Variants in ATCAY observed in about 807,000 individuals in gnomAD.
ATCAY encodes caytaxin.
Under a neutral mutation model 47.7 loss-of-function variants are expected in ATCAY, and 22 were observed. The ratio of observed to expected loss-of-function variants is 0.46; its 90% confidence interval spans 0.33 to 0.66. The LOEUF is 0.66. Ranked by LOEUF, ATCAY falls within the 30% of genes least tolerant of loss-of-function variation. The probability of loss-of-function intolerance (pLI) is 0.02; values close to 1 mark genes in which losing one functional copy is unlikely to be tolerated. For missense variants in ATCAY, 452 were observed against 515.0 expected (o/e 0.88, Z 1.18); for synonymous variants, 216 against 207.6 (o/e 1.04, Z -0.35).
chr19:3,922,209 C>T (rs1308595348), intron 12 of ATCAY: 8 of 701,540 alleles, frequency 1.1e-5, no homozygotes, highest in Non-Finnish European at 2.1e-5. Flanking sequence ...CAAGTTCCAA[C>T]CCTAAGTCAC....
intron 2 of ATCAY, 117 bp downstream of exon 2, chr19:3,885,961 C>T: frequency 2.1e-6 from 2 of 975,240 alleles, no homozygotes; most frequent in South Asian, 2.8e-5. Flanking sequence ...TGGCCTGGTT[C>T]CATCTCCGCG....
At chr19:3,910,653 G>C in intron 7 of ATCAY, 150 bp from the exon 8 acceptor site, 1 of 735,734 alleles carries the variant, frequency 1.4e-6, no homozygotes, top group East Asian at 2.7e-5. Flanking sequence ...TGTCTTGGAT[G>C]GGGGCAGGGA....
chr19:3,882,541 G>A (rs2038611395), intron 1 of ATCAY, among the ~76,000 whole-genome samples: 1 of 150,878 alleles, frequency 6.6e-6, no homozygotes, highest in Non-Finnish European at 1.5e-5. Flanking sequence ...ATGTTGCCCA[G>A]GCTGGTCTTG....
chr19:3,922,274 G>A (rs1273248638), intron 12 of ATCAY: 21 of 687,270 alleles, frequency 3.1e-5, no homozygotes, highest in Non-Finnish European at 4.2e-5. Flanking sequence ...ACCCAAGACC[G>A]GGTAAATTAT....
In ATCAY at chr19:3,918,819, C is replaced by T. The variant is rs2038990659; in HGVS notation, c.1015C>T (p.Pro339Ser). 6.2e-7 allele frequency: 1 copy of T among 1,613,982 alleles called. No homozygotes were observed. Residue 339 changes from proline to serine, a missense_variant, in exon 11 of 13, where the codon CCG becomes TCG. Coordinates refer to ENST00000450849, the MANE Select transcript of ATCAY (RefSeq NM_033064.5). ...KARRESARPQPEFVLPRSEEK... is the reference protein window; with the variant it reads ...KARRESARPQSEFVLPRSEEK... ...CTCTGTCCACAGCGCGAGGCCCCAG[C>T]CGGAGTTTGTGCTGCCCAGGTCTGA...
At chr19:3,887,644 G>A (rs775933436) in intron 2 of ATCAY, among the ~76,000 whole-genome samples, 527 of 150,300 alleles carry the variant, frequency 3.5e-3, no homozygotes, top group Middle Eastern at 6.8e-3. Flanking sequence ...CCGCCACCAC[G>A]CCCGGCTAAT....
chr19:3,922,150 T>C (rs753368158), intron 12 of ATCAY: 2 of 702,560 alleles, frequency 2.8e-6, no homozygotes. Context: ...TCTGCATGGC[T>C]TTTCTTAGCC....
chr19:3,913,843 G>T lies in ATCAY; in HGVS notation c.952G>T (p.Asp318Tyr). 2 of 1,613,552 alleles carry T rather than the reference G, an allele frequency of 1.2e-6. No individual in the cohort carries two copies. Among genetic ancestry groups the T allele is most frequent in the East Asian group, 4.5e-5 (2 of 44,878 alleles). ...CCCTATGGAACACGTCCAGATCCCAGACTGCGTCCTGCAGTGAGTGGCCCC... is the reference window on the plus strand; with the variant it reads ...CCCTATGGAACACGTCCAGATCCCATACTGCGTCCTGCAGTGAGTGGCCCC... ...LIPMEHVQIPDCVLQYEEERL... is the reference protein window; with the variant it reads ...LIPMEHVQIPYCVLQYEEERL... Residue 318 changes from aspartate to tyrosine, a missense_variant, in exon 9 of 13, where the codon GAC (aspartate) becomes TAC (tyrosine). Physicochemically the swap from Asp to Tyr is radical, Grantham distance 160 (BLOSUM62 -3). Coordinates refer to ENST00000450849, the MANE Select transcript of ATCAY (RefSeq NM_033064.5).
intron 12 of ATCAY, among the ~76,000 whole-genome samples, chr19:3,923,422 G>T (rs1362665199): frequency 6.6e-6 from 1 of 152,218 alleles, no homozygotes; most frequent in East Asian, 1.9e-4. Context: ...ATGGATGAAT[G>T]GATAGGTGGA....
intron 2 of ATCAY, among the ~76,000 whole-genome samples, chr19:3,888,368 G>A (rs554444820): frequency 5.3e-5 from 8 of 152,238 alleles, no homozygotes; most frequent in South Asian, 2.1e-4. Context: ...AGTGGCTCAC[G>A]TCTGCAGTCC....
At chr19:3,912,069 T>C (rs1413751917) in intron 8 of ATCAY, among the ~76,000 whole-genome samples, 1 of 152,162 alleles carries the variant, frequency 6.6e-6, no homozygotes, top group Non-Finnish European at 1.5e-5. Flanking sequence ...TTCAGTAACA[T>C]AGACTACCTT....
chr19:3,907,828 G>T lies in ATCAY; in HGVS notation c.453G>T (p.Gly151=). ...GTTEDGSAAN[G]RLWRTVIIGE... is the part of the protein sequence containing the mutation. The stretch of plus-strand genomic sequence containing the variant: ...CGGAGGACGGCAGCGCCGCCAACGG[G>T]CGCCTGTGGCGGACAGTGATCATCG... Residue 151 remains glycine (G), a synonymous_variant, in exon 5 of 13, where the codon GGG becomes GGT. Transcript: ENST00000450849. This position sits in a 1 kb window ranked among gnomAD's most constrained non-coding sequence, Gnocchi z 5.1. 5 of 1,613,992 alleles carry T rather than the reference G, an allele frequency of 3.1e-6. No individual in the cohort carries two copies. The highest frequency in any genetic ancestry group is 3.4e-6 in the Non-Finnish European group (4 of 1,179,862).
At position 3,919,528 on chromosome 19, in the gene ATCAY, GT is replaced by G. The variant is rs386806069; in HGVS notation, c.1073+653del. 7.0e-3 allele frequency among the ~76,000 whole-genome samples: 1,064 copies of G among 152,150 alleles called. 12 individuals are homozygous for G. Among genetic ancestry groups the G allele is most frequent in the African/African-American group, 0.025 (1,030 of 41,498 alleles). ...AATCACTTGAACCTGGGAGGCGGAG[GT>G]TGCAGTGAGCCGAGATCAGACCACT... On this transcript the variant is annotated intron_variant, in intron 11 of 12. Transcript: ENST00000450849.
intron 3 of ATCAY, among the ~76,000 whole-genome samples, chr19:3,903,584 C>T (rs910140780): frequency 1.3e-5 from 2 of 151,436 alleles, no homozygotes; most frequent in African/African-American, 4.9e-5. Context: ...AGTGCAGTAG[C>T]GTGATCATGG....
chr19:3,920,009 G>A (rs778755084), intron 11 of ATCAY, among the ~76,000 whole-genome samples: 1 of 152,182 alleles, frequency 6.6e-6, no homozygotes, highest in Non-Finnish European at 1.5e-5. Context: ...AGATACAGCA[G>A]TGTCGGTCCT....
At chr19:3,881,291 T>G (rs2038596743) in intron 1 of ATCAY, among the ~76,000 whole-genome samples, 1 of 150,366 alleles carries the variant, frequency 6.7e-6, no homozygotes, top group Non-Finnish European at 1.5e-5. Flanking sequence ...GATGAAAACC[T>G]CAGCTTCTCT....
At position 3,908,331 on chromosome 19, in the gene ATCAY, G is replaced by C; in HGVS notation, c.608G>C (p.Ser203Thr). ...GCAGCCTGCTTCCTTCCAGACAGCA[G>C]CCTCCCCGACTACCACTACATCATG... ...VFAACFLPDSSLPDYHYIMEN... is the reference protein window; with the variant it reads ...VFAACFLPDSTLPDYHYIMEN... The change falls in exon 6 of 13, where the codon AGC (serine) becomes ACC (threonine). Residue 203 changes from serine to threonine, a missense_variant. Transcript: ENST00000450849. 6.3e-7 allele frequency: 1 copy of C among 1,594,582 alleles called. No individual in the cohort carries two copies.
At chr19:3,895,778 CAA>C (rs2038765004) in intron 2 of ATCAY, among the ~76,000 whole-genome samples, 1 of 148,006 alleles carries the variant, frequency 6.8e-6, no homozygotes, top group African/African-American at 2.5e-5. Flanking sequence ...GCAGTGGTGC[CAA>C]TCACAGCTCA....
At chr19:3,894,053 C>T (rs2145229397) in intron 2 of ATCAY, among the ~76,000 whole-genome samples, 1 of 152,262 alleles carries the variant, frequency 6.6e-6, no homozygotes. Flanking sequence ...TAAAAGTCTA[C>T]ACTTAAAAGT....
Sources: allele counts gnomAD v4.1 joint callset (sites outside exome capture counted in the v4.1 genomes callset), GRCh38; gene constraint gnomAD v4.1.1; non-coding constraint Gnocchi (gnomAD v3.1); transcripts MANE v1.5; gene names NCBI Gene and HGNC (gene_info 2026-07-23, HGNC 2026-07-21).